The following EFCAB5 variants were observed in gnomAD, a reference collection of about 807,000 sequenced individuals.
EFCAB5 encodes EF-hand calcium-binding domain-containing protein 5.
Under a neutral mutation model 167.9 loss-of-function variants are expected in EFCAB5, and 131 were observed. The ratio of observed to expected loss-of-function variants is 0.78; its 90% confidence interval spans 0.68 to 0.90. EFCAB5 has a LOEUF of 0.90. EFCAB5 is among the 40% of genes least tolerant of loss of function. The pLI is 0.00. For synonymous variants in EFCAB5, 574 were observed against 602.8 expected (o/e 0.95, Z 0.70); for missense variants, 1,663 against 1,745.2 (o/e 0.95, Z 0.84).
rs779049915 is a variant in EFCAB5 at position 30,078,458 on chromosome 17, T to A, written c.2981T>A (p.Val994Glu). ...CAATGTGCTGCAGAGACAAGTGGGGTGTCCCTAGAGCCGGTGTATAGTGAG... is the reference window on the plus strand; with the variant it reads ...CAATGTGCTGCAGAGACAAGTGGGGAGTCCCTAGAGCCGGTGTATAGTGAG... ...QIQCAAETSG[V>E]SLEPVYSETF... The change falls in exon 15 of 23, where the codon GTG becomes GAG. Residue 994 changes from valine (V) to glutamate (E), a missense_variant. Coordinates refer to ENST00000394835, the MANE Select transcript of EFCAB5 (RefSeq NM_198529.4). 5.0e-6 allele frequency: 8 copies of A among 1,613,530 alleles called. No homozygotes were observed. Among genetic ancestry groups the A allele is most frequent in the Non-Finnish European group, 6.8e-6 (8 of 1,179,628 alleles).
intron 14 of EFCAB5, chr17:30,065,682 A>G (rs1363062000): frequency 6.6e-6 from 1 of 152,250 alleles, no homozygotes; most frequent in East Asian, 1.9e-4. Flanking sequence ...AAAGAAAGAA[A>G]AAAACATGAC....
intron 7 of EFCAB5, among the ~76,000 whole-genome samples, chr17:30,032,529 C>T (rs2069505245): frequency 6.6e-6 from 1 of 152,154 alleles, no homozygotes. Context: ...AAAAGATGTC[C>T]TCCCTGTATC....
At chr17:29,978,068 A>G (rs1340395469) in intron 4 of EFCAB5, among the ~76,000 whole-genome samples, 1 of 152,184 alleles carries the variant, frequency 6.6e-6, no homozygotes, top group Non-Finnish European at 1.5e-5. Flanking sequence ...CATCCTTGAT[A>G]TGGGTCTTCC....
intron 14 of EFCAB5, among the ~76,000 whole-genome samples, chr17:30,066,304 C>CT (rs1459505908): frequency 6.6e-6 from 1 of 152,060 alleles, no homozygotes; most frequent in African/African-American, 2.4e-5. Flanking sequence ...ACAAGAGGAA[C>CT]TTTAGAAGTT....
At chr17:29,973,371 T>C (rs1009226276) in intron 4 of EFCAB5, among the ~76,000 whole-genome samples, 1 of 152,154 alleles carries the variant, frequency 6.6e-6, no homozygotes, top group Admixed American at 6.5e-5. Flanking sequence ...TAAAATTCGC[T>C]GTGCTGAGAA....
intron 14 of EFCAB5, among the ~76,000 whole-genome samples, chr17:30,061,827 C>T (rs2070433709): frequency 6.6e-6 from 1 of 152,180 alleles, no homozygotes; most frequent in Admixed American, 6.5e-5. Context: ...CTCAGTCTCC[C>T]AAAGTTCTGG....
At chr17:30,106,497 C>T (rs557088439) in intron 22 of EFCAB5, among the ~76,000 whole-genome samples, 2 of 152,182 alleles carry the variant, frequency 1.3e-5, no homozygotes, top group South Asian at 2.1e-4. Context: ...CACTCTGCCA[C>T]CCAGGCTGGA....
At chr17:30,036,488 G>A (rs574210975) in intron 8 of EFCAB5, among the ~76,000 whole-genome samples, 30 of 150,904 alleles carry the variant, frequency 2.0e-4, no homozygotes, top group African/African-American at 5.1e-4. Context: ...AGAATGCAGC[G>A]GCATCATCAT....
At chr17:29,989,159 G>C (rs1366464808) in intron 4 of EFCAB5, among the ~76,000 whole-genome samples, 9 of 152,166 alleles carry the variant, frequency 5.9e-5, no homozygotes, top group African/African-American at 2.2e-4. Context: ...GTTACTTTCT[G>C]TGGCACTATT....
At chr17:30,069,584 C>T in intron 14 of EFCAB5, 1 of 1,613,316 alleles carries the variant, frequency 6.2e-7, no homozygotes, top group South Asian at 1.1e-5. Context: ...CCTCTTCTTC[C>T]TCGTGATGTG....
chr17:30,085,719 C>CAAAAAAA (rs60700223), intron 18 of EFCAB5, among the ~76,000 whole-genome samples: 1 of 125,474 alleles, frequency 8.0e-6, no homozygotes, highest in African/African-American at 3.1e-5. Context: ...GACTCCGTCT[C>CAAAAAAA]AAAAAAAAAA....
intron 14 of EFCAB5, chr17:30,073,239 T>C: frequency 1.5e-6 from 1 of 664,262 alleles, no homozygotes; most frequent in Admixed American, 2.2e-5. Flanking sequence ...TAATTTTTGG[T>C]ATGGATGGGG....
At chr17:29,946,098 A>G (rs569217206) in intron 3 of EFCAB5, among the ~76,000 whole-genome samples, 1 of 152,318 alleles carries the variant, frequency 6.6e-6, no homozygotes, top group African/African-American at 2.4e-5. Flanking sequence ...ACAAAGAACT[A>G]ATATCCAGAA....
Position 30,107,820 on chromosome 17 carries a change from T to C in EFCAB5, c.4322-14T>C. The C allele has an allele frequency of 6.6e-7, 1 of 1,507,926 alleles. No individual in the cohort carries two copies. The highest frequency in any genetic ancestry group is 2.6e-5 in the Admixed American group (1 of 38,270). 93.4% of individuals were successfully genotyped at this position (1,507,926 alleles called of 1,614,324 possible). On this transcript the variant is annotated splice_polypyrimidine_tract_variant and intron_variant, in intron 22 of 22. Transcript: ENST00000394835. Reference sequence around the variant, plus strand: ...ACTCTCCACTCTTACTTTTCTTTTTTTTTCCTGATGCAGATCATTCCCGAA... The same window carrying C: ...ACTCTCCACTCTTACTTTTCTTTTTCTTTCCTGATGCAGATCATTCCCGAA...
chr17:30,044,870 C>T (rs1202568117), intron 8 of EFCAB5, among the ~76,000 whole-genome samples: 2 of 152,126 alleles, frequency 1.3e-5, no homozygotes, highest in Non-Finnish European at 2.9e-5. Flanking sequence ...TTAGCAGCCT[C>T]ATTCATAATA....
chr17:30,085,241 T>C (rs1463254015), intron 18 of EFCAB5, among the ~76,000 whole-genome samples: 1 of 152,216 alleles, frequency 6.6e-6, no homozygotes, highest in Non-Finnish European at 1.5e-5. Flanking sequence ...ATTACTGCTC[T>C]GTTAACAGTA....
intron 18 of EFCAB5, among the ~76,000 whole-genome samples, chr17:30,083,749 C>T (rs777935495): frequency 1.3e-5 from 2 of 152,156 alleles, no homozygotes; most frequent in African/African-American, 2.4e-5. Flanking sequence ...CCACAGTGCC[C>T]GGCCAGAAAA....
chr17:30,053,758 T>C lies in EFCAB5; in HGVS notation c.1804T>C (p.Ser602Pro), dbSNP rs1448386880. ...SVSEQGSSRE[S>P]VAEQGSRRES... is the part of the protein sequence containing the mutation. The stretch of plus-strand genomic sequence containing the variant: ...TTCAGAACAAGGATCAAGCAGAGAG[T>C]CAGTTGCAGAACAAGGGTCACGCAG... The change falls in exon 10 of 23, where the codon TCA (serine) becomes CCA (proline). Residue 602 changes from serine to proline, a missense_variant. Ser to Pro is a moderately conservative substitution (Grantham distance 74). Transcript: ENST00000394835. The C allele has an allele frequency of 1.9e-6, 3 of 1,613,074 alleles. No homozygotes were observed. Among genetic ancestry groups the C allele is most frequent in the Non-Finnish European group, 2.5e-6 (3 of 1,179,652 alleles).
intron 3 of EFCAB5, among the ~76,000 whole-genome samples, chr17:29,961,188 T>C (rs1397814135): frequency 6.6e-6 from 1 of 152,224 alleles, no homozygotes; most frequent in African/African-American, 2.4e-5. Flanking sequence ...ATTGTAGTTA[T>C]GATTTGCATT....
Sources: allele counts gnomAD v4.1 joint callset (sites outside exome capture counted in the v4.1 genomes callset), GRCh38; gene constraint gnomAD v4.1.1; transcripts MANE v1.5; gene names NCBI Gene and HGNC (gene_info 2026-07-23, HGNC 2026-07-21).